The following ADAM19 variants were observed in gnomAD, a reference collection of about 807,000 sequenced individuals.
ADAM19 encodes ADAM metallopeptidase domain 19, also known as disintegrin and metalloproteinase domain-containing protein 19.
ADAM19 carries 65 observed loss-of-function variants against 114.7 expected under a neutral mutation model. The observed-to-expected ratio is 0.57, with a 90% confidence interval of 0.46 to 0.70. ADAM19 has a LOEUF of 0.70. Ranked by LOEUF, ADAM19 falls within the 30% of genes least tolerant of loss-of-function variation. ADAM19 has a pLI of 0.00. For missense variants in ADAM19, 1,063 were observed against 1,204.7 expected (o/e 0.88, Z 1.74); for synonymous variants, 466 against 460.5 (o/e 1.01, Z -0.15).
At chr5:157,565,739 GA>G (rs1757641392) in intron 2 of ADAM19, among the ~76,000 whole-genome samples, 1 of 150,890 alleles carries the variant, frequency 6.6e-6, no homozygotes, top group Admixed American at 6.6e-5. Context: ...TTAGACTCAG[GA>G]ATGTGAGGCT....
At chr5:157,499,329 GA>G (rs947536760) in intron 13 of ADAM19, among the ~76,000 whole-genome samples, 389 of 146,890 alleles carry the variant, frequency 2.6e-3, no homozygotes, top group African/African-American at 8.9e-3. Context: ...CTTTAAAAAA[GA>G]AAAAAAAAAG....
Position 157,519,917 on chromosome 5 carries a change from A to G in ADAM19, c.522T>C (p.Cys174=). The change falls in exon 6 of 23, where the codon TGT becomes TGC. Residue 174 remains cysteine (C), a synonymous_variant. Coordinates refer to ENST00000257527, the MANE Select transcript of ADAM19 (RefSeq NM_033274.5). ...TGGTGGGCTTGGAGTGCTCGAACCC[A>G]CAGTTTCCCGGGGGCGGCTTGAGAT... is the stretch of plus-strand genomic sequence containing the variant. ...SEHLKPPPGN[C]GFEHSKPTTR... The G allele has an allele frequency of 6.2e-7, 1 of 1,613,740 alleles. No homozygotes were observed. Among genetic ancestry groups the G allele is most frequent in the South Asian group, 1.1e-5 (1 of 91,012 alleles).
intron 11 of ADAM19, 91 bp from the exon 12 acceptor site, chr5:157,503,071 G>A: frequency 7.9e-6 from 10 of 1,258,314 alleles, no homozygotes; most frequent in Non-Finnish European, 1.1e-5. Flanking sequence ...GCTACCCGTG[G>A]GGCTGACTCC....
chr5:157,532,123 G>A (rs530455655), intron 4 of ADAM19, among the ~76,000 whole-genome samples: 6 of 152,018 alleles, frequency 3.9e-5, no homozygotes, highest in African/African-American at 7.2e-5. Flanking sequence ...ACCTGTGCCC[G>A]TGAGGTCTGC....
intron 2 of ADAM19, chr5:157,570,512 ATTATC>A (rs1489269129): frequency 6.0e-6 from 1 of 166,934 alleles, no homozygotes; most frequent in African/African-American, 2.4e-5. Flanking sequence ...AGTTTATATT[ATTATC>A]TTTTTTCTCT....
At chr5:157,499,773 CTTT>C (rs553103564) in intron 12 of ADAM19, 111 bp from the exon 13 acceptor site, 10,429 of 411,156 alleles carry the variant, frequency 0.025, 16 homozygotes, top group Middle Eastern at 0.031. Context: ...GCAACTATCT[CTTT>C]TTTTTTTTTT....
chr5:157,510,075 A>G (rs1015335033), intron 8 of ADAM19, among the ~76,000 whole-genome samples: 6 of 152,310 alleles, frequency 3.9e-5, no homozygotes, highest in African/African-American at 1.4e-4. Flanking sequence ...GTTCTCTTGT[A>G]TATAGATTTT....
chr5:157,483,216 A>T (rs1754816417), intron 21 of ADAM19, among the ~76,000 whole-genome samples: 1 of 152,176 alleles, frequency 6.6e-6, no homozygotes, highest in Non-Finnish European at 1.5e-5. Context: ...TAATAAAAAA[A>T]ATTACAAATA....
chr5:157,487,666 G>T (rs1253890745), intron 21 of ADAM19, among the ~76,000 whole-genome samples: 1 of 144,616 alleles, frequency 6.9e-6, no homozygotes, highest in Non-Finnish European at 1.5e-5. Context: ...CAGGGCTGGT[G>T]GGGGAGAGTC....
chr5:157,508,738 C>T (rs1331241982), intron 9 of ADAM19, among the ~76,000 whole-genome samples: 1 of 152,134 alleles, frequency 6.6e-6, no homozygotes, highest in African/African-American at 2.4e-5. Flanking sequence ...ACATGTGACC[C>T]CCATCACTGT....
intron 3 of ADAM19, among the ~76,000 whole-genome samples, chr5:157,545,155 A>G (rs760523336): frequency 2.0e-5 from 3 of 152,232 alleles, no homozygotes; most frequent in Non-Finnish European, 4.4e-5. Context: ...AATGTTTCTT[A>G]GCATACTAAG....
At chr5:157,517,992 G>A (rs1255616342) in intron 7 of ADAM19, among the ~76,000 whole-genome samples, 1 of 152,306 alleles carries the variant, frequency 6.6e-6, no homozygotes, top group African/African-American at 2.4e-5. Flanking sequence ...TTACACAAGG[G>A]TGCTGCTGAT....
Position 157,488,468 on chromosome 5 carries a change from G to A in ADAM19, c.2347C>T (p.Leu783=). The A allele has an allele frequency of 6.2e-7, 1 of 1,605,482 alleles. No homozygotes were observed. The highest frequency in any genetic ancestry group is 1.1e-5 in the South Asian group (1 of 90,412). The change falls in exon 21 of 23, where the codon CTG becomes TTG. Residue 783 remains leucine, a synonymous_variant. Coordinates refer to ENST00000257527, the MANE Select transcript of ADAM19 (RefSeq NM_033274.5). ...GGAGGAGGCTGGGAGGGCTTCCGCA[G>A]GATTTCCGGAGTGTTGATCACCTGT... ...KRKVINTPEI[L]RKPSQPPPRP...
Position 157,488,412 on chromosome 5 carries a change from C to A in ADAM19, c.2403G>T (p.Gly801=). The A allele has an allele frequency of 6.2e-7, 1 of 1,613,850 alleles. No homozygotes were observed. The highest frequency in any genetic ancestry group is 8.5e-7 in the Non-Finnish European group (1 of 1,179,896). The change falls in exon 21 of 23, where the codon GGG becomes GGT. Residue 801 remains glycine (G), a synonymous_variant. Transcript: ENST00000257527. ...GAGCTGGCAGTGGTGCAGGTGGGGA[C>A]CCACCACGCAGATAATCTGGAGGGG... ...PRPPPDYLRG[G]SPPAPLPAHL...
chr5:157,498,826 CA>C (rs1755455660), intron 13 of ADAM19, among the ~76,000 whole-genome samples: 1 of 151,870 alleles, frequency 6.6e-6, no homozygotes, highest in African/African-American at 2.4e-5. Flanking sequence ...TTCTGTAATG[CA>C]ATATAAATAT....
intron 5 of ADAM19, among the ~76,000 whole-genome samples, chr5:157,522,368 C>T (rs1756322782): frequency 6.6e-6 from 1 of 152,164 alleles, no homozygotes; most frequent in Non-Finnish European, 1.5e-5. Flanking sequence ...TAAACATGTG[C>T]CATGGTGATT....
chr5:157,488,796 C>T (rs1252433001), intron 20 of ADAM19, among the ~76,000 whole-genome samples: 1 of 152,210 alleles, frequency 6.6e-6, no homozygotes, highest in Admixed American at 6.5e-5. Context: ...TTTTGGGAGG[C>T]CGAGGCGGGT....
At chr5:157,486,625 C>A (rs1754942029) in intron 21 of ADAM19, among the ~76,000 whole-genome samples, 1 of 152,044 alleles carries the variant, frequency 6.6e-6, no homozygotes, top group African/African-American at 2.4e-5. Context: ...TCTGAACATG[C>A]CTCTAGTGTG....
intron 19 of ADAM19, among the ~76,000 whole-genome samples, chr5:157,490,037 C>CAAAT (rs1755095423): frequency 6.6e-6 from 1 of 152,072 alleles, no homozygotes; most frequent in African/African-American, 2.4e-5. Flanking sequence ...CAAAGGATGG[C>CAAAT]AAATAGATTT....
Sources: gnomAD v4.1 joint callset for allele counts (sites outside exome capture counted in the v4.1 genomes callset) on GRCh38, gnomAD v4.1.1 for gene constraint, MANE v1.5 for transcripts, NCBI Gene and HGNC (gene_info 2026-07-23, HGNC 2026-07-21) for gene names.